Variants in NDUFAF6 observed in about 807,000 individuals in gnomAD.
NDUFAF6 encodes the protein NADH dehydrogenase (ubiquinone) complex I, assembly factor 6.
NDUFAF6 carries 45 observed loss-of-function variants against 40.8 expected under a neutral mutation model. That is an observed-to-expected ratio of 1.10 (90% CI 0.87 to 1.42). The LOEUF (loss-of-function observed/expected upper bound fraction) is 1.42. Among genes scored for constraint, NDUFAF6 ranks in the 40% most tolerant of loss-of-function variants. The pLI is 0.00. For synonymous variants in NDUFAF6, 185 were observed against 155.9 expected, an observed-to-expected ratio of 1.19 and a Z score of -1.39; for missense variants, 435 against 418.5, an observed-to-expected ratio of 1.04 and a Z score of -0.34.
At chr8:95,001,532 G>A (rs749867330) in intron 2 of NDUFAF6, among the ~76,000 whole-genome samples, 6 of 152,122 alleles carry the variant, frequency 3.9e-5, no homozygotes, top group Non-Finnish European at 8.8e-5. Context: ...ATTGCAGCAG[G>A]AAAGCTTCCA....
At chr8:95,022,122 TTGA>T (rs147238241), upstream of NDUFAF6, among the ~76,000 whole-genome samples, 16,386 of 152,176 alleles carry the variant, frequency 0.11, 1,082 homozygotes, top group Middle Eastern at 0.22. Context: ...GTTATATCTG[TTGA>T]TAAGATGAAC....
At chr8:95,058,727 C>CTA (rs1273366575), downstream of NDUFAF6, 8 of 995,844 alleles carry the variant, frequency 8.0e-6, no homozygotes, top group Non-Finnish European at 9.6e-6. Context: ...ACATTCTGCG[C>CTA]TATACATTGT....
At chr8:94,932,040 A>G (rs1161808388) in intron 1 of NDUFAF6, 11 of 1,601,846 alleles carry the variant, frequency 6.9e-6, no homozygotes, top group Non-Finnish European at 9.4e-6. Flanking sequence ...GCATACATAT[A>G]TCACACAGTC....
intron 1 of NDUFAF6, among the ~76,000 whole-genome samples, chr8:94,915,159 C>T (rs1819048027): frequency 6.6e-6 from 1 of 151,926 alleles, no homozygotes; most frequent in Non-Finnish European, 1.5e-5. Flanking sequence ...CTGTGTTGCC[C>T]AGGCTAGTAT....
intron 1 of NDUFAF6, among the ~76,000 whole-genome samples, chr8:94,914,667 A>G (rs758650783): frequency 1.3e-5 from 2 of 152,108 alleles, no homozygotes; most frequent in Non-Finnish European, 2.9e-5. Flanking sequence ...GCTCACGCCT[A>G]TAATCTCAGC....
intron 5 of NDUFAF6, among the ~76,000 whole-genome samples, chr8:95,115,993 C>A (rs1464883038): frequency 6.6e-6 from 1 of 152,074 alleles, no homozygotes; most frequent in African/African-American, 2.4e-5. Context: ...CACAAATTAG[C>A]CGGGGGTGGT....
chr8:95,011,132 T>C (rs552744798), intron 2 of NDUFAF6, among the ~76,000 whole-genome samples: 2 of 152,366 alleles, frequency 1.3e-5, no homozygotes, highest in African/African-American at 4.8e-5. Context: ...GCCACGCTGC[T>C]TCCAGCTGGG....
chr8:94,955,460 C>G (rs10956933), upstream of NDUFAF6, among the ~76,000 whole-genome samples: 76,255 of 152,046 alleles, frequency 0.5, 19,678 homozygotes, highest in East Asian at 0.72. Context: ...ACCTAATCAC[C>G]TCTTAAAGGT....
intron 8 of NDUFAF6, among the ~76,000 whole-genome samples, chr8:95,057,126 AG>A (rs992203160): frequency 3.0e-4 from 46 of 152,330 alleles, no homozygotes; most frequent in African/African-American, 1.1e-3. Context: ...CGTGCCGCTT[AG>A]AAAGGTGGAG....
intron 1 of NDUFAF6, among the ~76,000 whole-genome samples, chr8:94,934,479 G>C (rs970163090): frequency 2.0e-5 from 3 of 151,246 alleles, no homozygotes; most frequent in African/African-American, 7.3e-5. Context: ...TCTGCCTCCC[G>C]GGTTCAAGCA....
rs59129861 is a variant in NDUFAF6 at position 95,094,951 on chromosome 8, C to CG, written n.214-6175dup. 2.0e-5 allele frequency among the ~76,000 whole-genome samples: 3 copies of CG among 149,440 alleles called. No individual in the cohort carries two copies. The South Asian group carries it at 6.3e-4, about 31-fold the overall frequency. The stretch of plus-strand genomic sequence containing the variant: ...AATTTTTTGCAGAGTTTGGGGGTGG[C>CG]GGGGGGTGTCTCACTGTGTTGCCCA... On this transcript the variant is annotated intron_variant and non_coding_transcript_variant, in intron 2 of 5. Transcript: ENST00000523184.
At chr8:95,112,977 T>C (rs1245711327) in intron 4 of NDUFAF6, among the ~76,000 whole-genome samples, 2 of 152,230 alleles carry the variant, frequency 1.3e-5, no homozygotes, top group African/African-American at 2.4e-5. Context: ...TGCTGGATCC[T>C]GGCCAGCAGA....
chr8:95,016,698 C>T (rs7842715), intron 2 of NDUFAF6, among the ~76,000 whole-genome samples: 22,079 of 152,014 alleles, frequency 0.15, 1,630 homozygotes, highest in Middle Eastern at 0.25. Flanking sequence ...GCTGAGATTG[C>T]GCCATTGCAC....
intron 2 of NDUFAF6, among the ~76,000 whole-genome samples, chr8:95,010,650 A>G (rs956356134): frequency 1.3e-5 from 2 of 152,238 alleles, no homozygotes; most frequent in African/African-American, 4.8e-5. Flanking sequence ...AGTAGTGACT[A>G]TGCCTCAGAG....
At chr8:94,969,171 A>G (rs930263395) in intron 1 of NDUFAF6, among the ~76,000 whole-genome samples, 1 of 152,178 alleles carries the variant, frequency 6.6e-6, no homozygotes, top group African/African-American at 2.4e-5. Flanking sequence ...AGATGAGATG[A>G]ATCACCTAGG....
At chr8:94,933,838 G>GGGA (rs1820687778) in intron 1 of NDUFAF6, among the ~76,000 whole-genome samples, 2 of 148,482 alleles carry the variant, frequency 1.3e-5, no homozygotes, top group African/African-American at 5.0e-5. Flanking sequence ...ACTTTGTGGG[G>GGGA]GGGGGGGGAG....
chr8:94,993,877 A>G (rs1401916405), intron 2 of NDUFAF6, among the ~76,000 whole-genome samples: 1 of 152,232 alleles, frequency 6.6e-6, no homozygotes, highest in East Asian at 1.9e-4. Flanking sequence ...GAGAAATTAT[A>G]TAAAAACTAT....
Position 95,031,980 on chromosome 8 carries a change from TTCTG to T in NDUFAF6, c.198-9_198-6del, listed in dbSNP as rs775908621. The stretch of plus-strand genomic sequence containing the variant: ...AAAGTGAAGAGTAACTGTCTTTTTT[TTCTG>T]TCTGTTACAGGAAACGGGATTATGA... On this transcript the variant is annotated splice_polypyrimidine_tract_variant and intron_variant, in intron 1 of 8. Transcript: ENST00000396124. 49 of 1,607,838 alleles carry T rather than the reference TTCTG, an allele frequency of 3.0e-5. No homozygotes were observed. In the African/African-American group the frequency reaches 5.9e-4, roughly 19 times the overall value.
intron 8 of NDUFAF6, among the ~76,000 whole-genome samples, chr8:95,054,261 T>C (rs764228348): frequency 6.6e-6 from 1 of 150,932 alleles, no homozygotes; most frequent in Non-Finnish European, 1.5e-5. Flanking sequence ...TTAGTTTTAA[T>C]TGTGAGGTGT....
Sources: gnomAD v4.1 joint callset for allele counts (sites outside exome capture counted in the v4.1 genomes callset) on GRCh38, gnomAD v4.1.1 for gene constraint, MANE v1.5 for transcripts, NCBI Gene and HGNC (gene_info 2026-07-23, HGNC 2026-07-21) for gene names.